The following HEMGN variants were observed in gnomAD, a reference collection of about 807,000 sequenced individuals.
HEMGN encodes erythroid differentiation-associated gene protein.
In HEMGN, 32 loss-of-function variants were observed where a neutral mutation model predicts 45.7. That is an observed-to-expected ratio of 0.70 (90% CI 0.53 to 0.94). The LOEUF (loss-of-function observed/expected upper bound fraction) is 0.94. HEMGN is among the 40% of genes least tolerant of loss of function. HEMGN has a pLI of 0.00. For missense variants in HEMGN, 530 were observed against 564.2 expected, an observed-to-expected ratio of 0.94 and a Z score of 0.61; for synonymous variants, 183 against 178.6, an observed-to-expected ratio of 1.02 and a Z score of -0.20.
rs754743449 is a variant in HEMGN at position 97,938,069 on chromosome 9, T to G, written c.68A>C (p.Asn23Thr). 7 of 1,607,764 alleles carry G rather than the reference T, an allele frequency of 4.4e-6. No homozygotes were observed. Among genetic ancestry groups the G allele is most frequent in the African/African-American group, 1.3e-5 (1 of 74,542 alleles). The change falls in exon 1 of 4, where the codon AAC becomes ACC. Residue 23 changes from asparagine to threonine, a missense_variant. Physicochemically the swap from Asn to Thr is moderately conservative, Grantham distance 65. Transcript: ENST00000616898. ...GTATTTTTCATTACCTGGAGAATGG[T>G]TCTCTTCTTGATGAGGGTCAGGTGT... is the stretch of plus-strand genomic sequence containing the variant. Reference protein sequence around the residue: ...HQTPDPHQEENHSPEVIGTWS... With the variant: ...HQTPDPHQEETHSPEVIGTWS...
Position 97,927,400 on chromosome 9 carries a change from C to T in HEMGN, c.1439G>A (p.Ser480Asn). The T allele has an allele frequency of 6.2e-7, 1 of 1,602,308 alleles. No homozygotes were observed. The highest frequency in any genetic ancestry group is 1.1e-5 in the South Asian group (1 of 90,128). Residue 480 changes from serine to asparagine, a missense_variant, in exon 4 of 4, where the codon AGT becomes AAT. By Grantham distance (46) the Ser-to-Asn change is conservative. Coordinates refer to ENST00000616898, the MANE Select transcript of HEMGN (RefSeq NM_197978.3). The stretch of plus-strand genomic sequence containing the variant: ...TGAGCATTGTTAAAACAAAACATAA[C>T]TATAGACATCATTTTCTGGATGACT... ...NESHPENDVY[S>N]YVLF
upstream of HEMGN, chr9:97,938,233 A>C: frequency 1.3e-6 from 1 of 787,506 alleles, no homozygotes; most frequent in Non-Finnish European, 2.1e-6. Flanking sequence ...TAAAAAAAAA[A>C]ACCACACACA....
At position 97,930,429 on chromosome 9, in the gene HEMGN, T is replaced by G. The variant is rs770055325; in HGVS notation, c.966A>C (p.Lys322Asn). The change falls in exon 3 of 4, where the codon AAA (lysine) becomes AAC (asparagine). Residue 322 changes from lysine (K) to asparagine (N), a missense_variant. Coordinates refer to ENST00000616898, the MANE Select transcript of HEMGN (RefSeq NM_197978.3). ...TKTHQESAEP[K>N]YLPHKTCNEI... ...CGTTACATGTTTTATGAGGAAGGTA[T>G]TTAGGTTCAGCTGATTCTTGGTGTG... 31 of 1,614,140 alleles carry G rather than the reference T, an allele frequency of 1.9e-5. No individual in the cohort carries two copies. The East Asian group carries it at 6.5e-4, about 34-fold the overall frequency.
upstream of HEMGN, among the ~76,000 whole-genome samples, chr9:97,942,101 A>G (rs1017706048): frequency 9.9e-5 from 15 of 152,160 alleles, no homozygotes; most frequent in Non-Finnish European, 1.9e-4. Flanking sequence ...GTGTTTCACA[A>G]GTGTTTCATT....
At chr9:97,942,494 C>T (rs1827167818), upstream of HEMGN, among the ~76,000 whole-genome samples, 1 of 151,946 alleles carries the variant, frequency 6.6e-6, no homozygotes, top group Admixed American at 6.6e-5. Flanking sequence ...GACACATTGC[C>T]CAGGCTGGTC....
chr9:97,931,297 T>C, intron 2 of HEMGN, 76 bp from the exon 3 acceptor site: 1 of 1,077,194 alleles, frequency 9.3e-7, no homozygotes, highest in South Asian at 1.5e-5. Context: ...CAGTGCCAGG[T>C]CCCCCACTGC....
In HEMGN at chr9:97,938,115, A is replaced by G. The variant is rs138132073; in HGVS notation, c.22T>C (p.Ser8Pro). 2.5e-6 allele frequency: 4 copies of G among 1,612,530 alleles called. No homozygotes were observed. The highest frequency in any genetic ancestry group is 3.4e-6 in the Non-Finnish European group (4 of 1,179,000). MDLGKDQSHLKHHQTPDP... is the reference protein window; with the variant it reads MDLGKDQPHLKHHQTPDP... ...GGTGTCTGATGGTGCTTCAAATGAG[A>G]TTGGTCCTTTCCCAAATCCATCTTG... The change falls in exon 1 of 4, where the codon TCT (serine) becomes CCT (proline). Residue 8 changes from serine to proline, a missense_variant. Ser to Pro is a moderately conservative substitution (Grantham distance 74). Coordinates refer to ENST00000616898, the MANE Select transcript of HEMGN (RefSeq NM_197978.3).
chr9:97,941,948 T>C (rs544333623), upstream of HEMGN, among the ~76,000 whole-genome samples: 1 of 152,244 alleles, frequency 6.6e-6, no homozygotes, highest in Non-Finnish European at 1.5e-5. Context: ...ATTATGGAGG[T>C]GAAGTAACTT....
intron 2 of HEMGN, among the ~76,000 whole-genome samples, chr9:97,935,229 G>A (rs1012728533): frequency 1.2e-4 from 19 of 152,178 alleles, no homozygotes; most frequent in Non-Finnish European, 1.2e-4. Flanking sequence ...TGTTGTAGCA[G>A]AACAGACAGT....
intron 3 of HEMGN, among the ~76,000 whole-genome samples, chr9:97,928,468 A>T (rs1327230375): frequency 4.6e-5 from 7 of 152,208 alleles, no homozygotes; most frequent in Non-Finnish European, 1.0e-4. Flanking sequence ...GACTGACTGT[A>T]TATTCAAACT....
chr9:97,944,273 C>A (rs1039918045), intron 1 of HEMGN, among the ~76,000 whole-genome samples: 1 of 152,178 alleles, frequency 6.6e-6, no homozygotes, highest in African/African-American at 2.4e-5. Flanking sequence ...TATATGTTCC[C>A]CCCTAAAACT....
chr9:97,938,474 C>G (rs1438374666), upstream of HEMGN: 1 of 194,236 alleles, frequency 5.1e-6, no homozygotes, highest in Admixed American at 5.9e-5. Context: ...CAGGAAGTGT[C>G]TGGATCCGAT....
upstream of HEMGN, among the ~76,000 whole-genome samples, chr9:97,941,654 G>A (rs1428385450): frequency 6.6e-6 from 1 of 152,246 alleles, no homozygotes; most frequent in Non-Finnish European, 1.5e-5. Context: ...GAAGGATGGA[G>A]TTAGCATTCA....
intron 3 of HEMGN, 34 bp downstream of exon 3, chr9:97,930,001 A>G: frequency 2.0e-6 from 3 of 1,489,212 alleles, no homozygotes; most frequent in East Asian, 4.5e-5. Flanking sequence ...TCTGGGGGAG[A>G]TGTACCTACC....
chr9:97,927,466 TTTTC>T lies in HEMGN; in HGVS notation c.1369_1372del (p.Glu457AsnfsTer12). ...TGGTATTCCTGGCTCTTCTTTGGGTTTTTCTTTCATTTCTGTAAAATCAAATAAA... is the reference window on the plus strand; with the variant it reads ...TGGTATTCCTGGCTCTTCTTTGGGTTTTTCATTTCTGTAAAATCAAATAAA... On this transcript the variant is annotated frameshift_variant, in exon 4 of 4. Coordinates refer to ENST00000616898, the MANE Select transcript of HEMGN (RefSeq NM_197978.3). LOFTEE classifies it low-confidence loss of function (END_TRUNC). 6.3e-7 allele frequency: 1 copy of T among 1,598,462 alleles called. No homozygotes were observed. Among genetic ancestry groups the T allele is most frequent in the African/African-American group, 1.3e-5 (1 of 74,702 alleles).
chr9:97,929,951 G>T, intron 3 of HEMGN, 84 bp downstream of exon 3: 1 of 951,574 alleles, frequency 1.1e-6, no homozygotes, highest in Non-Finnish European at 1.6e-6. Context: ...GAAATAACAG[G>T]GAATACCCAG....
chr9:97,938,549 A>C (rs1032404299), upstream of HEMGN, among the ~76,000 whole-genome samples: 1 of 152,228 alleles, frequency 6.6e-6, no homozygotes, highest in Admixed American at 6.5e-5. Flanking sequence ...CAACCAGCTC[A>C]GTGGCCCAGG....
chr9:97,929,881 G>A lies in HEMGN; in HGVS notation c.1360+154C>T, dbSNP rs1040403268. Among the ~76,000 whole-genome samples, 5 of 152,130 alleles carry A rather than the reference G, an allele frequency of 3.3e-5. No homozygotes were observed. In the South Asian group the frequency reaches 6.2e-4, roughly 19 times the overall value. ...CTCTTTGAAATATGCCAAGACAGAC[G>A]TTGGTTGCATGAAAATATTGTTCAC... On this transcript the variant is annotated intron_variant, in intron 3 of 3. Transcript: ENST00000616898.
At chr9:97,936,698 A>G (rs1162253341) in intron 1 of HEMGN, among the ~76,000 whole-genome samples, 1 of 152,222 alleles carries the variant, frequency 6.6e-6, no homozygotes, top group African/African-American at 2.4e-5. Context: ...GCGTTATATT[A>G]GAACTATTTT....
Sources: allele counts gnomAD v4.1 joint callset (sites outside exome capture counted in the v4.1 genomes callset), GRCh38; gene constraint gnomAD v4.1.1; transcripts MANE v1.5; gene names NCBI Gene and HGNC (gene_info 2026-07-23, HGNC 2026-07-21).